GALNTL6: variants seen among roughly 807,000 people sequenced by gnomAD.
The protein encoded by GALNTL6 is polypeptide N-acetylgalactosaminyltransferase-like 6.
Under a neutral mutation model 73.7 loss-of-function variants are expected in GALNTL6, and 46 were observed. The ratio of observed to expected loss-of-function variants is 0.62; its 90% CI spans 0.49 to 0.80. The LOEUF (loss-of-function observed/expected upper bound fraction) is 0.80, where lower values mean the gene tolerates loss of function less well. GALNTL6 is among the 30% of genes least tolerant of loss of function. The pLI is 0.00. For synonymous variants in GALNTL6, 259 were observed against 263.7 expected, an observed-to-expected ratio of 0.98 and a Z score of 0.17; for missense variants, 604 against 755.0, an observed-to-expected ratio of 0.80 and a Z score of 2.34.
chr4:172,783,639 A>T (rs1300361537), intron 5 of GALNTL6, among the ~76,000 whole-genome samples: 1 of 151,836 alleles, frequency 6.6e-6, no homozygotes, highest in Non-Finnish European at 1.5e-5. Context: ...CCAGAAGTTA[A>T]TGAGTCTAAT....
intron 4 of GALNTL6, among the ~76,000 whole-genome samples, chr4:172,334,092 A>G (rs1226669986): frequency 6.6e-6 from 1 of 152,100 alleles, no homozygotes; most frequent in African/African-American, 2.4e-5. Context: ...ATGGGTTACG[A>G]TACCTTGGTT....
chr4:172,061,322 A>G (rs1339493616), intron 2 of GALNTL6, among the ~76,000 whole-genome samples: 2 of 152,052 alleles, frequency 1.3e-5, no homozygotes, highest in African/African-American at 2.4e-5. Context: ...CTGGCAAGGG[A>G]GAAGGTTGTT....
chr4:172,891,694 C>G (rs1286378707), intron 8 of GALNTL6, among the ~76,000 whole-genome samples: 1 of 152,152 alleles, frequency 6.6e-6, no homozygotes, highest in Non-Finnish European at 1.5e-5. Flanking sequence ...TCTAGCAAGA[C>G]TGGAAATTTT....
chr4:172,739,562 A>G (rs1736681164), intron 5 of GALNTL6, among the ~76,000 whole-genome samples: 1 of 152,156 alleles, frequency 6.6e-6, no homozygotes, highest in East Asian at 1.9e-4. Context: ...CAATCATTAA[A>G]CCAGAATAAT....
chr4:171,906,896 C>T (rs1285344389), intron 2 of GALNTL6, among the ~76,000 whole-genome samples: 2 of 152,182 alleles, frequency 1.3e-5, no homozygotes, highest in Non-Finnish European at 2.9e-5. Flanking sequence ...ACAAAAACCA[C>T]ATGATTACCT....
intron 3 of GALNTL6, among the ~76,000 whole-genome samples, chr4:172,295,531 GTTTTTTTTTTTTTT>G (rs58721038): frequency 2.7e-5 from 2 of 73,164 alleles, no homozygotes; most frequent in African/African-American, 5.9e-5. Flanking sequence ...CTTTTTTTAG[GTTTTTTTTTTTTTT>G]TTTTTTTTTT....
chr4:172,568,753 A>C (rs1341936890), intron 5 of GALNTL6, among the ~76,000 whole-genome samples: 3 of 52,032 alleles, frequency 5.8e-5, no homozygotes, highest in Non-Finnish European at 1.0e-4. Flanking sequence ...GCGAGACTCC[A>C]TCTCAAAAAA....
chr4:172,248,707 G>A (rs1482603707), intron 3 of GALNTL6, among the ~76,000 whole-genome samples: 9 of 152,034 alleles, frequency 5.9e-5, no homozygotes, highest in Non-Finnish European at 2.9e-5. Flanking sequence ...CATGGGGGTG[G>A]TTCCCCCATG....
At chr4:171,867,682 C>A (rs1480907889) in intron 2 of GALNTL6, among the ~76,000 whole-genome samples, 1 of 152,174 alleles carries the variant, frequency 6.6e-6, no homozygotes, top group African/African-American at 2.4e-5. Flanking sequence ...CACTTCCCTG[C>A]TTAAAATTCC....
chr4:171,921,420 T>C (rs919006770), intron 2 of GALNTL6, among the ~76,000 whole-genome samples: 1 of 152,056 alleles, frequency 6.6e-6, no homozygotes, highest in African/African-American at 2.4e-5. Flanking sequence ...GATAGAGGGA[T>C]GGAAGAGACA....
intron 2 of GALNTL6, among the ~76,000 whole-genome samples, chr4:172,121,540 T>A (rs1432365466): frequency 6.6e-6 from 1 of 152,178 alleles, no homozygotes; most frequent in Non-Finnish European, 1.5e-5. Flanking sequence ...TAAGTTTTGA[T>A]TGTCCCTTGG....
chr4:173,005,471 G>T (rs1455068814), intron 10 of GALNTL6, among the ~76,000 whole-genome samples: 1 of 152,096 alleles, frequency 6.6e-6, no homozygotes, highest in Non-Finnish European at 1.5e-5. Flanking sequence ...TTCAGCCAGA[G>T]GTACAGAGCC....
chr4:172,422,375 T>C (rs1731080053), intron 5 of GALNTL6, among the ~76,000 whole-genome samples: 1 of 88,580 alleles, frequency 1.1e-5, no homozygotes, highest in African/African-American at 2.9e-5. Context: ...CCACAGCCTA[T>C]TATTTTTATA....
At chr4:172,580,025 C>T (rs1737116576) in intron 5 of GALNTL6, among the ~76,000 whole-genome samples, 1 of 151,960 alleles carries the variant, frequency 6.6e-6, no homozygotes, top group Non-Finnish European at 1.5e-5. Context: ...ATTAAAATGG[C>T]CTCAAGATGA....
rs1739362990 is a variant in GALNTL6, at chr4:172,630,787, ACTTATCTT to A, written c.554-178573_554-178566del. Among the ~76,000 whole-genome samples the A allele has an allele frequency of 2.0e-5, 3 of 150,086 alleles. No homozygotes were observed. In the South Asian group the frequency reaches 6.3e-4, roughly 32 times the overall value. ...TCTTGTTTTTATATAATTAGAGGGA[ACTTATCTT>A]TCTGATTCCCTCTAATTATATAAAA... On this transcript the variant is annotated intron_variant, in intron 5 of 12. Transcript: ENST00000506823.
chr4:172,113,689 C>T (rs944531531), intron 2 of GALNTL6, among the ~76,000 whole-genome samples: 1 of 151,974 alleles, frequency 6.6e-6, no homozygotes, highest in Non-Finnish European at 1.5e-5. Context: ...TAATGATATA[C>T]ATATTTTTGC....
At chr4:171,927,632 G>A (rs1486116462) in intron 2 of GALNTL6, among the ~76,000 whole-genome samples, 2 of 151,638 alleles carry the variant, frequency 1.3e-5, no homozygotes, top group East Asian at 3.9e-4. Flanking sequence ...ACCACTCTCT[G>A]TTTTGTCCTT....
chr4:171,967,810 A>C (rs1739434534), intron 2 of GALNTL6, among the ~76,000 whole-genome samples: 1 of 152,172 alleles, frequency 6.6e-6, no homozygotes, highest in South Asian at 2.1e-4. Context: ...TACTCTGAAC[A>C]AATATATGAT....
chr4:171,919,241 T>C (rs1161720620), intron 2 of GALNTL6, among the ~76,000 whole-genome samples: 1 of 152,026 alleles, frequency 6.6e-6, no homozygotes, highest in Non-Finnish European at 1.5e-5. Context: ...GCAGCCTTCT[T>C]AAATGAGATA....
Sources: allele counts gnomAD v4.1 joint callset (sites outside exome capture counted in the v4.1 genomes callset), GRCh38; gene constraint gnomAD v4.1.1; transcripts MANE v1.5; gene names NCBI Gene and HGNC (gene_info 2026-07-23, HGNC 2026-07-21).